GALNTL6: variants seen among roughly 807,000 people sequenced by gnomAD.
The protein encoded by GALNTL6 is polypeptide N-acetylgalactosaminyltransferase like 6.
GALNTL6 carries 46 observed loss-of-function variants against 73.7 expected under a neutral mutation model. That is an observed-to-expected ratio of 0.62 (90% CI 0.49 to 0.80). The LOEUF (loss-of-function observed/expected upper bound fraction) is 0.80, where lower values mean the gene tolerates loss of function less well. Among genes scored for constraint, GALNTL6 ranks in the 30% least tolerant of loss-of-function variants. GALNTL6 has a pLI of 0.00. For missense variants in GALNTL6, 604 were observed against 755.0 expected, an observed-to-expected ratio of 0.80 and a Z score of 2.34; for synonymous variants, 259 against 263.7, an observed-to-expected ratio of 0.98 and a Z score of 0.17.
chr4:172,757,372 C>CT (rs1737810535), intron 5 of GALNTL6, among the ~76,000 whole-genome samples: 2 of 152,166 alleles, frequency 1.3e-5, no homozygotes, highest in African/African-American at 4.8e-5. Flanking sequence ...AATTAATGTA[C>CT]TATGGTACTG....
chr4:172,320,870 G>A (rs1277701015), intron 4 of GALNTL6, among the ~76,000 whole-genome samples: 5 of 152,188 alleles, frequency 3.3e-5, no homozygotes, highest in Admixed American at 1.3e-4. Context: ...GAGGAGCAAC[G>A]CTGGAGACTT....
intron 5 of GALNTL6, among the ~76,000 whole-genome samples, chr4:172,387,104 C>T (rs564519375): frequency 1.3e-5 from 2 of 152,072 alleles, no homozygotes; most frequent in Non-Finnish European, 2.9e-5. Flanking sequence ...GAGGGCCCCA[C>T]CCTCATAATT....
chr4:172,712,091 C>T (rs1272601214), intron 5 of GALNTL6, among the ~76,000 whole-genome samples: 4 of 152,020 alleles, frequency 2.6e-5, no homozygotes, highest in Non-Finnish European at 4.4e-5. Flanking sequence ...TCTGTGTAGG[C>T]ATGTAGGGTT....
intron 10 of GALNTL6, among the ~76,000 whole-genome samples, chr4:172,981,318 A>G (rs2126432569): frequency 6.6e-6 from 1 of 152,284 alleles, no homozygotes; most frequent in South Asian, 2.1e-4. Flanking sequence ...ATTCCTACCA[A>G]CAGTGCACGA....
At chr4:172,941,786 C>T (rs553080736) in intron 9 of GALNTL6, among the ~76,000 whole-genome samples, 7 of 152,314 alleles carry the variant, frequency 4.6e-5, no homozygotes, top group East Asian at 1.9e-4. Context: ...CTTGCAAAGA[C>T]GAGTAGGGCT....
chr4:172,961,720 G>C (rs973251962), intron 10 of GALNTL6, among the ~76,000 whole-genome samples: 5 of 152,168 alleles, frequency 3.3e-5, no homozygotes, highest in African/African-American at 9.7e-5. Flanking sequence ...AGTGAGAGAG[G>C]CTGGAGAAGA....
chr4:172,717,140 T>C (rs1049738332), intron 5 of GALNTL6, among the ~76,000 whole-genome samples: 9 of 152,280 alleles, frequency 5.9e-5, no homozygotes, highest in Admixed American at 1.3e-4. Flanking sequence ...TTCAGTGTCA[T>C]TTAATTTTCA....
Position 172,760,072 on chromosome 4 carries a change from A to T in GALNTL6, c.554-49289A>T, listed in dbSNP as rs540365842. On this transcript the variant is annotated intron_variant, in intron 5 of 12. Coordinates refer to ENST00000506823, the MANE Select transcript of GALNTL6 (RefSeq NM_001034845.3). ...AGGATGGTCTCGATCTCCTGACCTC[A>T]TGATCCACCCGCCTCGGCCTCCCAA... Among the ~76,000 whole-genome samples the T allele has an allele frequency of 2.2e-3, 332 of 150,580 alleles. 1 individual carries two copies. The highest frequency in any genetic ancestry group is 1.7e-3 in the Non-Finnish European group (117 of 67,710).
intron 2 of GALNTL6, among the ~76,000 whole-genome samples, chr4:171,848,387 A>G (rs1735431086): frequency 2.0e-5 from 3 of 152,194 alleles, no homozygotes. Context: ...CAGAATGGTA[A>G]GGTTTAGCAT....
intron 5 of GALNTL6, among the ~76,000 whole-genome samples, chr4:172,496,717 G>A (rs898552289): frequency 1.3e-5 from 2 of 152,050 alleles, no homozygotes; most frequent in African/African-American, 4.8e-5. Flanking sequence ...TAGTGATACA[G>A]AAATATTTTA....
At chr4:172,999,863 C>T (rs1751968075) in intron 10 of GALNTL6, among the ~76,000 whole-genome samples, 1 of 151,996 alleles carries the variant, frequency 6.6e-6, no homozygotes. Context: ...CCCATTATGA[C>T]AATTACATAA....
chr4:172,265,797 A>T lies in GALNTL6; in HGVS notation c.247+36033A>T, dbSNP rs149257055. 7.2e-5 allele frequency among the ~76,000 whole-genome samples: 11 copies of T among 152,236 alleles called. No individual in the cohort carries two copies. In the East Asian group the frequency reaches 2.1e-3, roughly 29 times the overall value. On this transcript the variant is annotated intron_variant, in intron 3 of 12. Transcript: ENST00000506823. Reference sequence around the variant, plus strand: ...TGTTTATAAAGAACAACTATTATATAGATTAATCAAACATAGTATATTAAT... The same window carrying T: ...TGTTTATAAAGAACAACTATTATATTGATTAATCAAACATAGTATATTAAT...
intron 5 of GALNTL6, among the ~76,000 whole-genome samples, chr4:172,594,791 T>A (rs1737789499): frequency 6.6e-6 from 1 of 152,222 alleles, no homozygotes; most frequent in South Asian, 2.1e-4. Context: ...TTTTAAAAAT[T>A]GTATTTATAG....
At chr4:172,086,281 T>C (rs1732030793) in intron 2 of GALNTL6, among the ~76,000 whole-genome samples, 1 of 152,130 alleles carries the variant, frequency 6.6e-6, no homozygotes, top group African/African-American at 2.4e-5. Flanking sequence ...ATTTGCAATA[T>C]ATTCATATTT....
At chr4:172,761,739 C>T (rs1324036381) in intron 5 of GALNTL6, among the ~76,000 whole-genome samples, 1 of 151,590 alleles carries the variant, frequency 6.6e-6, no homozygotes, top group Non-Finnish European at 1.5e-5. Flanking sequence ...TACTTGCTTC[C>T]CCTTTACCTT....
chr4:172,694,273 T>A (rs1434643233), intron 5 of GALNTL6, among the ~76,000 whole-genome samples: 1 of 152,140 alleles, frequency 6.6e-6, no homozygotes, highest in Non-Finnish European at 1.5e-5. Context: ...TAGGTATTTG[T>A]CCTAATGTTC....
intron 5 of GALNTL6, among the ~76,000 whole-genome samples, chr4:172,734,772 G>A (rs1036730218): frequency 8.5e-5 from 13 of 152,078 alleles, no homozygotes. Context: ...CCAGGTCCAG[G>A]GTCCCTCTAC....
chr4:173,020,697 T>G (rs1206699201), intron 11 of GALNTL6, among the ~76,000 whole-genome samples: 2 of 152,236 alleles, frequency 1.3e-5, no homozygotes, highest in Non-Finnish European at 2.9e-5. Flanking sequence ...CTTTGTCTCT[T>G]TAGCTAATCT....
intron 10 of GALNTL6, among the ~76,000 whole-genome samples, chr4:172,984,493 T>TG (rs933821516): frequency 2.6e-5 from 4 of 152,152 alleles, no homozygotes; most frequent in Admixed American, 2.6e-4. Flanking sequence ...GGTGATATTT[T>TG]GGGGGGCGGG....
Sources: gnomAD v4.1 joint callset for allele counts (sites outside exome capture counted in the v4.1 genomes callset) on GRCh38, gnomAD v4.1.1 for gene constraint, MANE v1.5 for transcripts, NCBI Gene and HGNC (gene_info 2026-07-23, HGNC 2026-07-21) for gene names.